Variants in PDGFD observed in about 807,000 individuals in gnomAD.
PDGFD encodes the protein platelet derived growth factor D.
In PDGFD, 30 loss-of-function variants were observed where a neutral mutation model predicts 44.7. The ratio of observed to expected loss-of-function variants is 0.67; its 90% CI spans 0.50 to 0.91. PDGFD has a LOEUF of 0.91. Among genes scored for constraint, PDGFD ranks in the 40% least tolerant of loss-of-function variants. PDGFD has a pLI of 0.00. For missense variants in PDGFD, 445 were observed against 457.8 expected, an observed-to-expected ratio of 0.97 and a Z score of 0.25; for synonymous variants, 173 against 168.4, an observed-to-expected ratio of 1.03 and a Z score of -0.21.
chr11:103,969,476 T>TTTTTTTTTTTTTG, intron 3 of PDGFD, among the ~76,000 whole-genome samples: 1 of 77,342 alleles, frequency 1.3e-5, no homozygotes, highest in Non-Finnish European at 2.9e-5. Context: ...CAAGCCTGGT[T>TTTTTTTTTTTTTG]TTTTTTTTTT....
intron 1 of PDGFD, among the ~76,000 whole-genome samples, chr11:104,057,463 G>C (rs1306350170): frequency 6.9e-6 from 1 of 145,954 alleles, no homozygotes; most frequent in Non-Finnish European, 1.5e-5. Context: ...TTAGAAGTGG[G>C]AGCTAAACAC....
rs183239734 is a variant in PDGFD, at chr11:104,155,629, T to C, written c.124+8175A>G. 4.9e-4 allele frequency among the ~76,000 whole-genome samples: 75 copies of C among 152,366 alleles called. 1 individual carries two copies. The East Asian group carries it at 0.012, about 23-fold the overall frequency. On this transcript the variant is annotated intron_variant, in intron 1 of 6. Transcript: ENST00000393158. ...AAAGTAAAGACAAATGGGCTTTTAG[T>C]GTCTACCATACGATCCTTATGAACT...
intron 5 of PDGFD, among the ~76,000 whole-genome samples, chr11:103,934,070 T>C (rs1858449761): frequency 6.6e-6 from 1 of 152,240 alleles, no homozygotes; most frequent in South Asian, 2.1e-4. Flanking sequence ...TTAAACACCA[T>C]TGAGTTGCTC....
At chr11:104,098,616 C>T (rs1006685534) in intron 1 of PDGFD, among the ~76,000 whole-genome samples, 7 of 151,818 alleles carry the variant, frequency 4.6e-5, no homozygotes, top group East Asian at 1.9e-4. Context: ...TCAAGAGATC[C>T]TCCTGCCTCA....
At position 104,001,379 on chromosome 11, in the gene PDGFD, T is replaced by G. The variant is rs114882917; in HGVS notation, c.125-1124A>C. Reference sequence around the variant, plus strand: ...TTTATTTAGCTGGTCCTAATTTATATCCTTTATAGGAGGACTTTAATTTTA... The same window carrying G: ...TTTATTTAGCTGGTCCTAATTTATAGCCTTTATAGGAGGACTTTAATTTTA... On this transcript the variant is annotated intron_variant, in intron 1 of 6. Transcript: ENST00000393158. Among the ~76,000 whole-genome samples the G allele has an allele frequency of 3.6e-3, 545 of 152,340 alleles. 7 individuals carry two copies. Among genetic ancestry groups the G allele is most frequent in the African/African-American group, 0.012 (510 of 41,580 alleles).
chr11:104,119,814 ATAAT>A (rs1225465519), intron 1 of PDGFD, among the ~76,000 whole-genome samples: 1 of 118,402 alleles, frequency 8.4e-6, no homozygotes, highest in Non-Finnish European at 1.6e-5. Flanking sequence ...TATAATATAA[ATAAT>A]TATGTACTAT....
At chr11:103,940,752 T>C (rs1858570525) in intron 5 of PDGFD, among the ~76,000 whole-genome samples, 1 of 152,124 alleles carries the variant, frequency 6.6e-6, no homozygotes, top group African/African-American at 2.4e-5. Flanking sequence ...GAGACAGTGG[T>C]GACTTGCCAG....
At chr11:104,100,726 G>A (rs146946909) in intron 1 of PDGFD, among the ~76,000 whole-genome samples, 8,412 of 152,214 alleles carry the variant, frequency 0.055, 360 homozygotes, top group African/African-American at 0.12. Context: ...ACCGAATCCA[G>A]CAGCACAACA....
intron 1 of PDGFD, among the ~76,000 whole-genome samples, chr11:104,017,478 A>T (rs1192872066): frequency 6.6e-6 from 1 of 152,134 alleles, no homozygotes; most frequent in East Asian, 1.9e-4. Context: ...TACTTTCTCC[A>T]GTTCAAATTT....
intron 1 of PDGFD, among the ~76,000 whole-genome samples, chr11:104,068,746 G>T (rs1663987012): frequency 1.3e-5 from 2 of 152,098 alleles, no homozygotes; most frequent in South Asian, 4.2e-4. Flanking sequence ...ATAGTGAAAA[G>T]AATTTATGAA....
intron 1 of PDGFD, among the ~76,000 whole-genome samples, chr11:104,071,695 T>C (rs903826376): frequency 6.6e-6 from 1 of 151,876 alleles, no homozygotes; most frequent in Non-Finnish European, 1.5e-5. Flanking sequence ...AGTTTTTCCA[T>C]TTATTAAATC....
chr11:103,921,429 A>G (rs1858217666), intron 6 of PDGFD, among the ~76,000 whole-genome samples: 1 of 152,158 alleles, frequency 6.6e-6, no homozygotes, highest in African/African-American at 2.4e-5. Flanking sequence ...ACAAAGTACT[A>G]TTCTTTTACC....
chr11:103,930,116 G>C (rs1358116299), intron 5 of PDGFD, among the ~76,000 whole-genome samples: 1 of 152,110 alleles, frequency 6.6e-6, no homozygotes, highest in Non-Finnish European at 1.5e-5. Context: ...CTTTATCAAA[G>C]CTCTTTGACA....
intron 1 of PDGFD, among the ~76,000 whole-genome samples, chr11:104,060,698 A>C (rs1385332735): frequency 6.6e-6 from 1 of 152,184 alleles, no homozygotes; most frequent in East Asian, 1.9e-4. Context: ...ATGATGTGCC[A>C]ACCCTGTTTC....
At chr11:103,957,050 CTCT>C (rs1324034895) in intron 3 of PDGFD, among the ~76,000 whole-genome samples, 1 of 152,124 alleles carries the variant, frequency 6.6e-6, no homozygotes, top group Non-Finnish European at 1.5e-5. Flanking sequence ...TGTGCAGAAG[CTCT>C]TTAGTTTAAT....
At chr11:103,927,275 C>T (rs1049712156) in intron 5 of PDGFD, 149 bp from the exon 6 acceptor site, 7 of 678,914 alleles carry the variant, frequency 1.0e-5, no homozygotes, top group African/African-American at 1.8e-5. Context: ...TTACTGGGAA[C>T]CTAAAGTAAA....
intron 1 of PDGFD, among the ~76,000 whole-genome samples, chr11:104,156,216 G>A (rs933872035): frequency 2.6e-5 from 4 of 152,068 alleles, no homozygotes; most frequent in African/African-American, 9.7e-5. Flanking sequence ...GACCAGGCAT[G>A]GTGGCATGTG....
At chr11:104,076,038 C>T (rs188048310) in intron 1 of PDGFD, among the ~76,000 whole-genome samples, 91 of 152,314 alleles carry the variant, frequency 6.0e-4, no homozygotes, top group African/African-American at 1.9e-3. Flanking sequence ...AATCATGGGG[C>T]TGGTTCCTCC....
At chr11:104,117,917 C>T (rs186422449) in intron 1 of PDGFD, among the ~76,000 whole-genome samples, 26 of 151,970 alleles carry the variant, frequency 1.7e-4, no homozygotes, top group Admixed American at 1.2e-3. Flanking sequence ...AAAGAGCCTG[C>T]AGAGCCAAAG....
Sources: allele counts gnomAD v4.1 joint callset (sites outside exome capture counted in the v4.1 genomes callset), GRCh38; gene constraint gnomAD v4.1.1; transcripts MANE v1.5; gene names NCBI Gene and HGNC (gene_info 2026-07-23, HGNC 2026-07-21).